ANAPC2: variants seen among roughly 807,000 people sequenced by gnomAD.
The protein encoded by ANAPC2 is anaphase-promoting complex subunit 2.
ANAPC2 carries 29 observed loss-of-function variants against 84.3 expected under a neutral mutation model. The observed-to-expected ratio is 0.34, with a 90% CI of 0.26 to 0.47. ANAPC2 has a LOEUF of 0.47. Among genes scored for constraint, ANAPC2 ranks in the 20% least tolerant of loss-of-function variants. The pLI is 1.00. For synonymous variants in ANAPC2, 571 were observed against 479.4 expected, an observed-to-expected ratio of 1.19 and a Z score of -2.50; for missense variants, 857 against 1,131.7, an observed-to-expected ratio of 0.76 and a Z score of 3.48.
chr9:137,187,051 C>A (rs997154078), intron 2 of ANAPC2: 1 of 188,804 alleles, frequency 5.3e-6, no homozygotes, highest in Admixed American at 5.3e-5. Context: ...TCCAAACTAA[C>A]AAGAGACTGC....
At chr9:137,185,574 A>G (rs1422318068) in intron 3 of ANAPC2, among the ~76,000 whole-genome samples, 1 of 151,042 alleles carries the variant, frequency 6.6e-6, no homozygotes, top group Non-Finnish European at 1.5e-5. Flanking sequence ...CCTACTACCC[A>G]CTCTTGCCCA....
In ANAPC2 at chr9:137,175,345, A is replaced by G. The variant is rs1244604824; in HGVS notation, c.2148T>C (p.Ile716=). 1 of 1,612,438 alleles carries G rather than the reference A, an allele frequency of 6.2e-7. No homozygotes were observed. The highest frequency in any genetic ancestry group is 2.2e-5 in the East Asian group (1 of 44,868). The change falls in exon 12 of 13, where the codon ATT becomes ATC. Residue 716 remains isoleucine, a synonymous_variant. Transcript: ENST00000323927. Reference sequence around the variant, plus strand: ...CCCGGTCCTGAGGCCGCTCCTCCTCAATGACAGAGAAGGTGCCGGGGGGCT... The same window carrying G: ...CCCGGTCCTGAGGCCGCTCCTCCTCGATGACAGAGAAGGTGCCGGGGGGCT... ...REEPPGTFSV[I]EEERPQDRDN... is the part of the protein sequence containing the mutation.
intron 10 of ANAPC2, 27 bp downstream of exon 10, chr9:137,180,154 C>T (rs1257537046): frequency 6.2e-7 from 1 of 1,608,364 alleles, no homozygotes; most frequent in Admixed American, 1.7e-5. Context: ...TGCCAAGAGC[C>T]CATGGGGTGG....
intron 10 of ANAPC2, among the ~76,000 whole-genome samples, chr9:137,179,282 C>G (rs1300853791): frequency 6.6e-6 from 1 of 152,144 alleles, no homozygotes; most frequent in African/African-American, 2.4e-5. Flanking sequence ...GGAGGCCTCA[C>G]AGGCCCCACA....
At chr9:137,183,475 A>C in intron 5 of ANAPC2, 197 bp downstream of exon 5, 1 of 874,914 alleles carries the variant, frequency 1.1e-6, no homozygotes, top group Non-Finnish European at 1.7e-6. Flanking sequence ...GTCAGTCCTG[A>C]CTCCCTCCAA....
At chr9:137,178,758 G>A (rs756344717) in intron 10 of ANAPC2, among the ~76,000 whole-genome samples, 17 of 151,418 alleles carry the variant, frequency 1.1e-4, no homozygotes, top group Non-Finnish European at 2.1e-4. Context: ...GACTCTTCCA[G>A]AGCCAAGCTG....
rs374832164 is a variant in ANAPC2, at chr9:137,185,076, C to G, written c.885G>C (p.Arg295=). The G allele has an allele frequency of 6.5e-7, 1 of 1,543,596 alleles. No individual in the cohort carries two copies. Among genetic ancestry groups the G allele is most frequent in the African/African-American group, 1.4e-5 (1 of 72,550 alleles). Residue 295 remains arginine, a synonymous_variant, in exon 4 of 13, where the codon CGG becomes CGC. Coordinates refer to ENST00000323927, the MANE Select transcript of ANAPC2 (RefSeq NM_013366.4). ...FLREFHKWIE[R]VVGWLGKVFL... ...ACACCTTGCCGAGCCAGCCGACCACCCGCTCGATCCACTGTCAGGAGAACG... is the reference window on the plus strand; with the variant it reads ...ACACCTTGCCGAGCCAGCCGACCACGCGCTCGATCCACTGTCAGGAGAACG...
chr9:137,188,368 G>C, intron 1 of ANAPC2, 48 bp downstream of exon 1: 1 of 1,568,638 alleles, frequency 6.4e-7, no homozygotes, highest in Non-Finnish European at 8.6e-7. Context: ...AAGCGCGTAC[G>C]GTCCCGGAAA....
At chr9:137,186,532 T>C in intron 2 of ANAPC2, 176 bp from the exon 3 acceptor site, 1 of 930,568 alleles carries the variant, frequency 1.1e-6, no homozygotes, top group Non-Finnish European at 1.6e-6. Context: ...TACCAAAGGC[T>C]TCAAGAAGCC....
At chr9:137,184,883 GA>G in intron 4 of ANAPC2, 29 bp downstream of exon 4, 1 of 1,607,008 alleles carries the variant, frequency 6.2e-7, no homozygotes, top group Non-Finnish European at 8.5e-7. Context: ...CCAGACGGGA[GA>G]GCGGACCCCA....
intron 10 of ANAPC2, chr9:137,176,039 T>C: frequency 1.7e-6 from 1 of 579,136 alleles, no homozygotes; most frequent in Non-Finnish European, 2.8e-6. Flanking sequence ...GGGGCCAGCA[T>C]CATAAGGTGT....
chr9:137,174,910 C>T lies in ANAPC2; in HGVS notation c.*32G>A. 1 of 804,998 alleles carries T rather than the reference C, an allele frequency of 1.2e-6. No individual in the cohort carries two copies. The highest frequency in any genetic ancestry group is 1.8e-6 in the Non-Finnish European group (1 of 571,144). The allele number at this position is 804,998 out of a possible 1,614,324, so 49.9% of individuals were successfully genotyped here. On this transcript the variant is annotated 3_prime_UTR_variant, in exon 13 of 13. Transcript: ENST00000323927. The surrounding 1 kb of genome is among the most constrained non-coding windows in gnomAD (Gnocchi z 6.1). The stretch of plus-strand genomic sequence containing the variant: ...GGACGAGAGCACCTGCAGGGCAGCG[C>T]CTGGCGGGCGGGCGGGCGGGCGGGC...
chr9:137,187,484 A>G lies in ANAPC2; in HGVS notation c.737T>C (p.Val246Ala). 6.2e-7 allele frequency: 1 copy of G among 1,605,026 alleles called. No individual in the cohort carries two copies. The highest frequency in any genetic ancestry group is 8.5e-7 in the Non-Finnish European group (1 of 1,173,098). ...GCCATCGGGACAGACTACTCACAAG[A>G]CCTGGCTGAGCTGATGGAACTGCTC... ...ALEQFHQLSQVLHRLSLLERV... is the reference protein window; with the variant it reads ...ALEQFHQLSQALHRLSLLERV... Residue 246 changes from valine to alanine, a missense_variant, in exon 2 of 13, where the codon GTC (valine) becomes GCC (alanine). By Grantham distance (64) the Val-to-Ala change is moderately conservative (BLOSUM62 0). This residue lies in a region of ANAPC2 where 428 missense variants were observed against 513.8 expected (regional missense o/e 0.83). Coordinates refer to ENST00000323927, the MANE Select transcript of ANAPC2 (RefSeq NM_013366.4).
rs980682175 is a variant in ANAPC2, at chr9:137,188,175, C to T, written c.118-72G>A. 4 of 1,539,142 alleles carry T rather than the reference C, an allele frequency of 2.6e-6. No homozygotes were observed. The Admixed American group carries it at 7.5e-5, about 29-fold the overall frequency. On this transcript the variant is annotated intron_variant, in intron 1 of 12. Coordinates refer to ENST00000323927, the MANE Select transcript of ANAPC2 (RefSeq NM_013366.4). The stretch of plus-strand genomic sequence containing the variant: ...GGGGAGAGGCGGGGAAGGGAAGAAG[C>T]TGAGGGGGAGGCTGCAAAAACTCCG...
At chr9:137,183,860 G>A in intron 4 of ANAPC2, 69 bp from the exon 5 acceptor site, 1 of 1,577,030 alleles carries the variant, frequency 6.3e-7, no homozygotes, top group African/African-American at 1.3e-5. Context: ...GGTGCAGAGT[G>A]TGTGCGGTGT....
chr9:137,185,081 C>T lies in ANAPC2; in HGVS notation c.880G>A (p.Glu294Lys). 3 of 1,541,976 alleles carry T rather than the reference C, an allele frequency of 1.9e-6. No individual in the cohort carries two copies. The highest frequency in any genetic ancestry group is 2.6e-6 in the Non-Finnish European group (3 of 1,144,178). ...TTGCCGAGCCAGCCGACCACCCGCT[C>T]GATCCACTGTCAGGAGAACGCTAGT... is the stretch of plus-strand genomic sequence containing the variant. ...SFLREFHKWI[E>K]RVVGWLGKVF... The change falls in exon 4 of 13, where the codon GAG becomes AAG. Residue 294 changes from glutamate (E) to lysine (K), a missense_variant. Physicochemically the swap from Glu to Lys is moderately conservative, Grantham distance 56. Coordinates refer to ENST00000323927, the MANE Select transcript of ANAPC2 (RefSeq NM_013366.4).
rs1206649540 is a variant in ANAPC2 at position 137,186,211 on chromosome 9, G to A, written c.873+13C>T. 26 of 1,611,930 alleles carry A rather than the reference G, an allele frequency of 1.6e-5. No homozygotes were observed. Among genetic ancestry groups the A allele is most frequent in the Non-Finnish European group, 2.2e-5 (26 of 1,179,468 alleles). Reference sequence around the variant, plus strand: ...GTCTCCAGCGGGGCACAGCCCAAGGGAGGGGTCCTCACCTTGTGGAACTCA... The same window carrying A: ...GTCTCCAGCGGGGCACAGCCCAAGGAAGGGGTCCTCACCTTGTGGAACTCA... On this transcript the variant is annotated intron_variant, in intron 3 of 12. Transcript: ENST00000323927.
At position 137,181,827 on chromosome 9, in the gene ANAPC2, C is replaced by G; in HGVS notation, c.1322G>C (p.Gly441Ala). 6.2e-7 allele frequency: 1 copy of G among 1,608,654 alleles called. No individual in the cohort carries two copies. The highest frequency in any genetic ancestry group is 8.5e-7 in the Non-Finnish European group (1 of 1,179,898). ...REDTVRQIVA[G>A]LTGDSDGTGD... Reference sequence around the variant, plus strand: ...TGTCCCGTCCGAGTCCCCCGTCAGCCCAGCCACAATCTGCCGCACTGTGTC... The same window carrying G: ...TGTCCCGTCCGAGTCCCCCGTCAGCGCAGCCACAATCTGCCGCACTGTGTC... The change falls in exon 7 of 13, where the codon GGG becomes GCG. Residue 441 changes from glycine to alanine, a missense_variant. By Grantham distance (60) the Gly-to-Ala change is moderately conservative. Coordinates refer to ENST00000323927, the MANE Select transcript of ANAPC2 (RefSeq NM_013366.4).
intron 4 of ANAPC2, 116 bp from the exon 5 acceptor site, chr9:137,183,907 A>G: frequency 7.2e-7 from 1 of 1,398,170 alleles, no homozygotes; most frequent in Non-Finnish European, 9.8e-7. Flanking sequence ...CAGGACGATG[A>G]TGAGACCACC....
Sources: allele counts gnomAD v4.1 joint callset (sites outside exome capture counted in the v4.1 genomes callset), GRCh38; gene constraint gnomAD v4.1.1; regional missense constraint gnomAD v4.1.1; non-coding constraint Gnocchi (gnomAD v3.1); transcripts MANE v1.5; gene names NCBI Gene and HGNC (gene_info 2026-07-23, HGNC 2026-07-21).